The following PIK3CB variants were observed in gnomAD, a reference collection of about 807,000 sequenced individuals.
PIK3CB encodes phosphatidylinositol-4,5-bisphosphate 3-kinase catalytic subunit beta, also known as phosphatidylinositol 4,5-bisphosphate 3-kinase catalytic subunit beta isoform.
PIK3CB carries 39 observed loss-of-function variants against 136.8 expected under a neutral mutation model. The observed-to-expected ratio is 0.29, with a 90% CI of 0.22 to 0.37. PIK3CB has a LOEUF of 0.37. PIK3CB is among the 10% of genes least tolerant of loss of function. The pLI is 1.00. For missense variants in PIK3CB, 868 were observed against 1,275.4 expected (o/e 0.68, Z 4.87); for synonymous variants, 428 against 436.6 (o/e 0.98, Z 0.25).
intron 2 of PIK3CB, among the ~76,000 whole-genome samples, chr3:138,766,288 T>G (rs1001464527): frequency 2.0e-5 from 3 of 152,190 alleles, no homozygotes. Context: ...GGATAACCAT[T>G]ATTTATTTCT....
At chr3:138,722,221 GACACACACAC>G (rs56139182) in intron 8 of PIK3CB, among the ~76,000 whole-genome samples, 4,418 of 143,948 alleles carry the variant, frequency 0.031, 85 homozygotes, top group Non-Finnish European at 0.039. Context: ...CTATGTAAGA[GACACACACAC>G]ACACACACAC....
At chr3:138,765,376 T>A (rs937895567) in intron 2 of PIK3CB, among the ~76,000 whole-genome samples, 17 of 152,152 alleles carry the variant, frequency 1.1e-4, no homozygotes, top group African/African-American at 4.1e-4. Context: ...TTGATTTAAA[T>A]CATGCTTGAC....
chr3:138,698,830 T>C, intron 13 of PIK3CB, 77 bp downstream of exon 13: 1 of 820,870 alleles, frequency 1.2e-6, no homozygotes, highest in Non-Finnish European at 1.9e-6. Flanking sequence ...AATATACCTA[T>C]GAGAAAAGGA....
At chr3:138,689,325 GTCCCTCCCCT>G (rs1371058090) in intron 15 of PIK3CB, among the ~76,000 whole-genome samples, 1 of 152,206 alleles carries the variant, frequency 6.6e-6, no homozygotes, top group Non-Finnish European at 1.5e-5. Context: ...GGAAATGCTG[GTCCCTCCCCT>G]TCCCTCCCCT....
At chr3:138,713,601 G>A (rs1048165676) in intron 9 of PIK3CB, among the ~76,000 whole-genome samples, 35 of 152,216 alleles carry the variant, frequency 2.3e-4, no homozygotes, top group African/African-American at 7.2e-4. Flanking sequence ...ATCCCGGGAG[G>A]CGGAAGTTGC....
At chr3:138,830,435 C>G (rs1933975269) in intron 1 of PIK3CB, among the ~76,000 whole-genome samples, 1 of 152,072 alleles carries the variant, frequency 6.6e-6, no homozygotes, top group Non-Finnish European at 1.5e-5. Flanking sequence ...GCCTTGTAAT[C>G]CCAGCTACTC....
At chr3:138,741,355 A>G (rs2045239833) in intron 5 of PIK3CB, among the ~76,000 whole-genome samples, 1 of 152,234 alleles carries the variant, frequency 6.6e-6, no homozygotes, top group South Asian at 2.1e-4. Context: ...GGGGAAAGAC[A>G]ACAACGCTTG....
At chr3:138,757,849 G>A (rs1576395075) in intron 3 of PIK3CB, among the ~76,000 whole-genome samples, 1 of 152,142 alleles carries the variant, frequency 6.6e-6, no homozygotes, top group East Asian at 1.9e-4. Flanking sequence ...AAACAGTGTG[G>A]CAGTTCCTCA....
At chr3:138,794,993 T>C (rs1052203712) in intron 2 of PIK3CB, among the ~76,000 whole-genome samples, 4 of 151,796 alleles carry the variant, frequency 2.6e-5, no homozygotes, top group African/African-American at 9.7e-5. Context: ...GACTCCAGCC[T>C]GAGTGACAGA....
At chr3:138,774,210 C>T (rs879943505) in intron 2 of PIK3CB, among the ~76,000 whole-genome samples, 5 of 152,232 alleles carry the variant, frequency 3.3e-5, no homozygotes, top group Non-Finnish European at 7.3e-5. Context: ...CAGGTTAAGA[C>T]AAAGAACACT....
intron 8 of PIK3CB, among the ~76,000 whole-genome samples, chr3:138,715,694 T>C (rs1208399059): frequency 2.0e-5 from 3 of 151,918 alleles, no homozygotes; most frequent in Non-Finnish European, 4.4e-5. Flanking sequence ...AACAGTAATA[T>C]AAAATTTTAA....
chr3:138,826,373 G>A, intron 1 of PIK3CB: 2 of 1,530,232 alleles, frequency 1.3e-6, no homozygotes, highest in South Asian at 1.1e-5. Context: ...ATCAGTGGTG[G>A]AAGAATAGCC....
intron 19 of PIK3CB, among the ~76,000 whole-genome samples, chr3:138,668,158 C>T (rs2043454725): frequency 6.6e-6 from 1 of 152,076 alleles, no homozygotes; most frequent in Non-Finnish European, 1.5e-5. Flanking sequence ...GAGAATGAAG[C>T]ATTCTCCTAA....
At chr3:138,789,838 G>A (rs550979080) in intron 2 of PIK3CB, among the ~76,000 whole-genome samples, 2 of 152,036 alleles carry the variant, frequency 1.3e-5, no homozygotes, top group South Asian at 2.1e-4. Context: ...CTGCAGATGC[G>A]GGCCACCACA....
chr3:138,787,940 T>G (rs1312264505), intron 2 of PIK3CB, among the ~76,000 whole-genome samples: 1 of 130,068 alleles, frequency 7.7e-6, no homozygotes, highest in African/African-American at 2.8e-5. Context: ...TTTTTTTTTT[T>G]GAGACATGAT....
intron 4 of PIK3CB, among the ~76,000 whole-genome samples, chr3:138,747,070 A>ATG (rs1447400262): frequency 1.1e-4 from 4 of 37,528 alleles, no homozygotes; most frequent in African/African-American, 4.9e-4. Flanking sequence ...ATATATATAT[A>ATG]TATATATATA....
rs568308610 is a variant in PIK3CB at position 138,753,862 on chromosome 3, A to T, written c.397+1892T>A. 4.7e-4 allele frequency among the ~76,000 whole-genome samples: 72 copies of T among 152,344 alleles called. 2 individuals carry two copies. The South Asian group carries it at 0.015, about 31-fold the overall frequency. ...CTACTCTGTGGTACTTTTTGGATTA[A>T]CAAATATTTTAGCTTCCCTAAAAAT... On this transcript the variant is annotated intron_variant, in intron 4 of 23. Transcript: ENST00000674063.
At chr3:138,733,332 G>A (rs1274422207) in intron 8 of PIK3CB, 29 bp downstream of exon 8, 5 of 1,045,540 alleles carry the variant, frequency 4.8e-6, no homozygotes, top group Non-Finnish European at 7.3e-6. Context: ...TGGAGCGGAT[G>A]GCAAATTCAA....
At chr3:138,770,373 T>C (rs2045784042) in intron 2 of PIK3CB, 4 of 152,172 alleles carry the variant, frequency 2.6e-5, no homozygotes, top group South Asian at 2.1e-4. Flanking sequence ...ATTTGTTCTA[T>C]AGGTGAACAA....
Sources: gnomAD v4.1 joint callset for allele counts (sites outside exome capture counted in the v4.1 genomes callset) on GRCh38, gnomAD v4.1.1 for gene constraint, MANE v1.5 for transcripts, NCBI Gene and HGNC (gene_info 2026-07-23, HGNC 2026-07-21) for gene names.